Variants in FAM78B observed in about 807,000 individuals in gnomAD.
FAM78B encodes the protein protein FAM78B.
A neutral mutation model predicts 20.0 loss-of-function variants in FAM78B; 10 were observed. The observed-to-expected ratio is 0.50, with a 90% confidence interval of 0.31 to 0.85. The LOEUF is 0.85. FAM78B is among the 40% of genes least tolerant of loss of function. The pLI, the probability that FAM78B is intolerant of heterozygous loss-of-function variation, is 0.05. For missense variants in FAM78B, 283 were observed against 345.0 expected, an observed-to-expected ratio of 0.82 and a Z score of 1.42; for synonymous variants, 135 against 132.8, an observed-to-expected ratio of 1.02 and a Z score of -0.12.
chr1:166,104,221 T>A (rs928101955), intron 1 of FAM78B, among the ~76,000 whole-genome samples: 1 of 152,194 alleles, frequency 6.6e-6, no homozygotes, highest in Admixed American at 6.5e-5. Flanking sequence ...ATAAGAGCTA[T>A]TTATGACAAA....
chr1:166,164,811 G>A (rs1015416562), intron 1 of FAM78B: 1 of 152,180 alleles, frequency 6.6e-6, no homozygotes, highest in Non-Finnish European at 1.5e-5. Context: ...TAGAGTTTTA[G>A]ATTAATAAGT....
Position 166,150,108 on chromosome 1 carries a change from G to T in FAM78B, c.263+15878C>A, listed in dbSNP as rs1655619856. Among the ~76,000 whole-genome samples the T allele has an allele frequency of 2.0e-5, 3 of 152,164 alleles. No homozygotes were observed. The South Asian group carries it at 6.2e-4, about 31-fold the overall frequency. ...ACAATGAGGATGGCTGTGCCTCAGG[G>T]GGGGTTTGTGATGTCTGAGGAATGC... On this transcript the variant is annotated intron_variant, in intron 1 of 1. Transcript: ENST00000354422.
chr1:166,060,213 C>T (rs1249261771), exon 3 of FAM78B: 1 of 187,806 alleles, frequency 5.3e-6, no homozygotes, highest in Non-Finnish European at 1.1e-5. Flanking sequence ...CCCCCGTTTC[C>T]CACCCAAAAG....
chr1:166,144,402 C>A (rs1237129760), intron 1 of FAM78B, among the ~76,000 whole-genome samples: 1 of 152,144 alleles, frequency 6.6e-6, no homozygotes, highest in African/African-American at 2.4e-5. Flanking sequence ...ATGAAAGAGA[C>A]AGATTTAAAT....
rs571624210 is a variant in FAM78B at position 166,073,551 on chromosome 1, T to C, written c.264-2788A>G. The stretch of plus-strand genomic sequence containing the variant: ...CTCTTTCTCTCTTTTTTTTTTTTTT[T>C]CCAAAAGGAGAGTTGTGTCTATAAA... On this transcript the variant is annotated intron_variant, in intron 1 of 1. Transcript: ENST00000354422. Among the ~76,000 whole-genome samples the C allele has an allele frequency of 5.1e-3, 763 of 150,228 alleles. 1 individual carries two copies. The highest frequency in any genetic ancestry group is 6.1e-3 in the Non-Finnish European group (414 of 67,866).
At chr1:166,157,875 T>TC (rs1655970555) in intron 1 of FAM78B, among the ~76,000 whole-genome samples, 1 of 152,024 alleles carries the variant, frequency 6.6e-6, no homozygotes, top group Non-Finnish European at 1.5e-5. Context: ...GAGGATGTCG[T>TC]CCCCCTGCTC....
At chr1:166,114,248 T>C (rs908879116) in intron 1 of FAM78B, among the ~76,000 whole-genome samples, 3 of 152,188 alleles carry the variant, frequency 2.0e-5, no homozygotes, top group African/African-American at 7.2e-5. Context: ...GTGCAGAACA[T>C]AGTCTAATGC....
chr1:166,123,122 G>A (rs1654521114), intron 1 of FAM78B, among the ~76,000 whole-genome samples: 2 of 152,322 alleles, frequency 1.3e-5, no homozygotes, highest in Non-Finnish European at 2.9e-5. Flanking sequence ...AGGTAACAGT[G>A]TGATGTGGCA....
intron 1 of FAM78B, among the ~76,000 whole-genome samples, chr1:166,148,730 C>T (rs917822252): frequency 5.3e-5 from 8 of 152,234 alleles, no homozygotes; most frequent in African/African-American, 1.9e-4. Context: ...GATCAGATGA[C>T]AAAGGGAGCT....
At chr1:166,060,654 A>G (rs948751087) in exon 3 of FAM78B, 1 of 1,288,520 alleles carries the variant, frequency 7.8e-7, no homozygotes, top group Non-Finnish European at 1.0e-6. Flanking sequence ...TCCTTGTCCT[A>G]CTAGGAGACC....
At chr1:166,144,402 C>T (rs1237129760) in intron 1 of FAM78B, among the ~76,000 whole-genome samples, 1 of 152,144 alleles carries the variant, frequency 6.6e-6, no homozygotes, top group East Asian at 1.9e-4. Context: ...ATGAAAGAGA[C>T]AGATTTAAAT....
rs967205380 is a variant in FAM78B, at chr1:166,166,518, T to G, written c.-270A>C. On this transcript the variant is annotated 5_prime_UTR_variant, in exon 1 of 2. Transcript: ENST00000354422. ...GGGTGCACTCCTAGGAGGCGGCGGGTGCCCTCGCCGGCTCCAGCGCCCGGG... is the reference window on the plus strand; with the variant it reads ...GGGTGCACTCCTAGGAGGCGGCGGGGGCCCTCGCCGGCTCCAGCGCCCGGG... 20 of 150,706 alleles carry G rather than the reference T, an allele frequency of 1.3e-4. No individual in the cohort carries two copies. Among genetic ancestry groups the G allele is most frequent in the Admixed American group, 8.0e-4 (12 of 15,014 alleles). The allele number at this position is 150,706 out of a possible 1,614,324, so 9.3% of individuals were successfully genotyped here.
downstream of FAM78B, among the ~76,000 whole-genome samples, chr1:166,066,237 TCTG>T (rs1262809784): frequency 6.6e-6 from 1 of 152,224 alleles, no homozygotes; most frequent in East Asian, 1.9e-4. Flanking sequence ...TACTAAGTAC[TCTG>T]CTAAGAGCTG....
At chr1:166,087,171 T>C (rs1652868142) in intron 1 of FAM78B, 1 of 152,154 alleles carries the variant, frequency 6.6e-6, no homozygotes, top group African/African-American at 2.4e-5. Context: ...TTTCAAGCGA[T>C]TCTCCTGCCT....
At chr1:166,146,769 C>T (rs1655473177) in intron 1 of FAM78B, among the ~76,000 whole-genome samples, 1 of 152,190 alleles carries the variant, frequency 6.6e-6, no homozygotes, top group African/African-American at 2.4e-5. Context: ...TCTCAGTCAA[C>T]CTTTCAACAA....
At chr1:166,087,576 G>T (rs969304062) in intron 1 of FAM78B, 2 of 152,112 alleles carry the variant, frequency 1.3e-5, no homozygotes, top group African/African-American at 4.8e-5. Flanking sequence ...TTTGGTCATC[G>T]TAAGTCCTTG....
chr1:166,099,814 A>C (rs1383810573), intron 1 of FAM78B, among the ~76,000 whole-genome samples: 2 of 152,256 alleles, frequency 1.3e-5, no homozygotes, highest in Non-Finnish European at 2.9e-5. Flanking sequence ...ACAGACAACA[A>C]CACAATAATG....
At chr1:166,066,460 C>T (rs1651799246), downstream of FAM78B, among the ~76,000 whole-genome samples, 1 of 152,074 alleles carries the variant, frequency 6.6e-6, no homozygotes, top group Non-Finnish European at 1.5e-5. Flanking sequence ...GCCCTCTAGT[C>T]AGGGATGAAC....
chr1:166,114,447 G>C (rs541797608), intron 1 of FAM78B, among the ~76,000 whole-genome samples: 1 of 152,336 alleles, frequency 6.6e-6, no homozygotes, highest in South Asian at 2.1e-4. Context: ...CTGGCATTTA[G>C]AAAGTTCTGT....
Sources: allele counts gnomAD v4.1 joint callset (sites outside exome capture counted in the v4.1 genomes callset), GRCh38; gene constraint gnomAD v4.1.1; transcripts MANE v1.5; gene names NCBI Gene and HGNC (gene_info 2026-07-23, HGNC 2026-07-21).